Variants in CLSTN2 observed in about 807,000 individuals in gnomAD.
The protein encoded by CLSTN2 is calsyntenin 2, also known as calsyntenin-2.
In CLSTN2, 48 loss-of-function variants were observed where a neutral mutation model predicts 101.2. The ratio of observed to expected loss-of-function variants is 0.47; its 90% CI spans 0.38 to 0.60. The LOEUF (loss-of-function observed/expected upper bound fraction) is 0.60. CLSTN2 is among the 20% of genes least tolerant of loss of function. The probability of loss-of-function intolerance (pLI) is 0.00; values close to 1 mark genes in which losing one functional copy is unlikely to be tolerated. For missense variants in CLSTN2, 1,160 were observed against 1,238.2 expected (o/e 0.94, Z 0.95); for synonymous variants, 481 against 463.6 (o/e 1.04, Z -0.48).
chr3:140,171,799 A>AT (rs1491569144), intron 1 of CLSTN2, among the ~76,000 whole-genome samples: 4 of 85,746 alleles, frequency 4.7e-5, no homozygotes, highest in Non-Finnish European at 7.8e-5. Context: ...ATAATATATA[A>AT]TATGTATTAT....
At chr3:140,533,615 G>A (rs1935303271) in intron 9 of CLSTN2, among the ~76,000 whole-genome samples, 1 of 151,362 alleles carries the variant, frequency 6.6e-6, no homozygotes, top group South Asian at 2.1e-4. Flanking sequence ...GGAGGCTGAG[G>A]CAGGAGAATG....
intron 8 of CLSTN2, among the ~76,000 whole-genome samples, chr3:140,486,815 A>G (rs1934249738): frequency 6.6e-6 from 1 of 152,232 alleles, no homozygotes; most frequent in Non-Finnish European, 1.5e-5. Flanking sequence ...CTCACCTTCA[A>G]ACCCTGAATT....
intron 5 of CLSTN2, among the ~76,000 whole-genome samples, chr3:140,428,444 G>T (rs347328): frequency 6.6e-6 from 1 of 151,822 alleles, no homozygotes; most frequent in Non-Finnish European, 1.5e-5. Flanking sequence ...GAGAGCCACC[G>T]GAGACTTTCC....
intron 1 of CLSTN2, among the ~76,000 whole-genome samples, chr3:140,081,413 T>G (rs538885837): frequency 7.9e-5 from 12 of 152,360 alleles, no homozygotes; most frequent in African/African-American, 2.6e-4. Flanking sequence ...GCGTGAAAAG[T>G]TAAACACTTG....
intron 1 of CLSTN2, among the ~76,000 whole-genome samples, chr3:140,058,867 A>C (rs1420372017): frequency 1.3e-5 from 2 of 151,818 alleles, no homozygotes; most frequent in Admixed American, 1.3e-4. Flanking sequence ...TGCGAAAGGC[A>C]GGAAAGCCAG....
At chr3:140,106,719 C>T (rs1203365841) in intron 1 of CLSTN2, among the ~76,000 whole-genome samples, 1 of 152,144 alleles carries the variant, frequency 6.6e-6, no homozygotes, top group Non-Finnish European at 1.5e-5. Flanking sequence ...ATAATTTTTA[C>T]AGAAGAAAGG....
chr3:140,117,550 A>G (rs553251935), intron 1 of CLSTN2, among the ~76,000 whole-genome samples: 1 of 152,304 alleles, frequency 6.6e-6, no homozygotes, highest in African/African-American at 2.4e-5. Context: ...GGAGCTAATT[A>G]AAAAGGTGGG....
intron 2 of CLSTN2, among the ~76,000 whole-genome samples, chr3:140,238,439 T>C (rs992500161): frequency 6.6e-6 from 1 of 152,084 alleles, no homozygotes; most frequent in African/African-American, 2.4e-5. Context: ...ATCTATACTT[T>C]CCAGAAGCAA....
intron 2 of CLSTN2, among the ~76,000 whole-genome samples, chr3:140,281,180 A>G (rs2086842803): frequency 6.6e-6 from 1 of 152,188 alleles, no homozygotes; most frequent in Non-Finnish European, 1.5e-5. Flanking sequence ...TCAAAGCAAG[A>G]TGGCACATCA....
chr3:140,194,563 T>C (rs1407164348), intron 2 of CLSTN2, among the ~76,000 whole-genome samples: 2 of 152,168 alleles, frequency 1.3e-5, no homozygotes, highest in South Asian at 2.1e-4. Context: ...TTTGAGGTAA[T>C]GAGTAATTTT....
chr3:140,264,517 C>A (rs754445531), intron 2 of CLSTN2, among the ~76,000 whole-genome samples: 1 of 150,190 alleles, frequency 6.7e-6, no homozygotes, highest in Non-Finnish European at 1.5e-5. Context: ...AATATCATAA[C>A]CGGAGACATG....
intron 1 of CLSTN2, among the ~76,000 whole-genome samples, chr3:140,152,120 A>C (rs897375998): frequency 6.6e-6 from 1 of 152,224 alleles, no homozygotes; most frequent in African/African-American, 2.4e-5. Context: ...GCTATTAATT[A>C]ATGTATTATT....
intron 1 of CLSTN2, among the ~76,000 whole-genome samples, chr3:139,981,493 T>C (rs192191128): frequency 2.4e-4 from 36 of 152,364 alleles, no homozygotes; most frequent in Admixed American, 2.0e-3. Context: ...TTCCATTACT[T>C]CAACTTTCTT....
chr3:140,466,648 T>A lies in CLSTN2; in HGVS notation c.1261T>A (p.Cys421Ser). The A allele has an allele frequency of 6.2e-7, 1 of 1,614,210 alleles. No individual in the cohort carries two copies. ...RHHYALYVHN[C>S]RLVFLLRKDF... ...TCACTATGCCCTGTATGTGCACAAC[T>A]GCCGCCTCGTCTTTCTCTTGCGGAA... is the stretch of plus-strand genomic sequence containing the variant. The change falls in exon 8 of 17, where the codon TGC becomes AGC. Residue 421 changes from cysteine to serine, a missense_variant. By Grantham distance (112) the Cys-to-Ser change is moderately radical. Coordinates refer to ENST00000458420, the MANE Select transcript of CLSTN2 (RefSeq NM_022131.3).
chr3:140,074,671 G>A (rs1292590704), intron 1 of CLSTN2, among the ~76,000 whole-genome samples: 1 of 152,202 alleles, frequency 6.6e-6, no homozygotes. Context: ...GGAAACAGAG[G>A]CACAGAGATT....
chr3:140,349,655 A>G (rs1215426723), intron 2 of CLSTN2, among the ~76,000 whole-genome samples: 1 of 152,202 alleles, frequency 6.6e-6, no homozygotes, highest in Non-Finnish European at 1.5e-5. Context: ...AATCTTTGAA[A>G]TGGTTGCTCA....
At chr3:140,162,789 T>C (rs2010069301) in intron 1 of CLSTN2, among the ~76,000 whole-genome samples, 1 of 152,156 alleles carries the variant, frequency 6.6e-6, no homozygotes, top group South Asian at 2.1e-4. Context: ...GGCAAGCATT[T>C]TGCAGTGAAT....
In CLSTN2 at chr3:140,187,154, C is replaced by CCATT. The variant is rs577555325; in HGVS notation, c.232+11083_232+11086dup. Among the ~76,000 whole-genome samples the CCATT allele has an allele frequency of 1.9e-4, 29 of 152,300 alleles. No homozygotes were observed. The East Asian group carries it at 4.8e-3, about 25-fold the overall frequency. On this transcript the variant is annotated intron_variant, in intron 2 of 16. Transcript: ENST00000458420. Reference sequence around the variant, plus strand: ...AGCCTGCCCTCTGCCACTCCTTGGGCCATTCCTCTTGGCTGCTATTCCCTG... The same window carrying CCATT: ...AGCCTGCCCTCTGCCACTCCTTGGGCCATTCATTCCTCTTGGCTGCTATTCCCTG...
At chr3:139,945,000 G>T (rs1935194230) in intron 1 of CLSTN2, among the ~76,000 whole-genome samples, 1 of 152,122 alleles carries the variant, frequency 6.6e-6, no homozygotes, top group African/African-American at 2.4e-5. Context: ...TTGCTTCTGA[G>T]AATGCTTAAT....
Sources: allele counts gnomAD v4.1 joint callset (sites outside exome capture counted in the v4.1 genomes callset), GRCh38; gene constraint gnomAD v4.1.1; transcripts MANE v1.5; gene names NCBI Gene and HGNC (gene_info 2026-07-23, HGNC 2026-07-21).